The following SYNRG variants were observed in gnomAD, a reference collection of about 807,000 sequenced individuals.
SYNRG encodes AP1 gamma subunit binding protein 1.
Under a neutral mutation model 130.9 loss-of-function variants are expected in SYNRG, and 37 were observed. The ratio of observed to expected loss-of-function variants is 0.28; its 90% CI spans 0.22 to 0.37. The LOEUF (loss-of-function observed/expected upper bound fraction) is 0.37, where lower values mean the gene tolerates loss of function less well. Ranked by LOEUF, SYNRG falls within the 10% of genes least tolerant of loss-of-function variation. The pLI is 1.00. For missense variants in SYNRG, 1,338 were observed against 1,588.9 expected, an observed-to-expected ratio of 0.84 and a Z score of 2.68; for synonymous variants, 539 against 568.1, an observed-to-expected ratio of 0.95 and a Z score of 0.73.
chr17:37,594,421 C>A (rs1321422119), intron 3 of SYNRG, among the ~76,000 whole-genome samples: 1 of 145,930 alleles, frequency 6.9e-6, no homozygotes, highest in Non-Finnish European at 1.5e-5. Context: ...ACATTGTATT[C>A]TATGGTAGAT....
chr17:37,608,667 G>A (rs2064038275), intron 1 of SYNRG, among the ~76,000 whole-genome samples: 1 of 152,138 alleles, frequency 6.6e-6, no homozygotes, highest in South Asian at 2.1e-4. Flanking sequence ...TTAAAAAGAA[G>A]ACAGACAAGT....
At chr17:37,528,745 TA>T (rs2056262933) in intron 19 of SYNRG, among the ~76,000 whole-genome samples, 2 of 152,240 alleles carry the variant, frequency 1.3e-5, no homozygotes, top group Admixed American at 1.3e-4. Context: ...TCAGTTCTGC[TA>T]GAGTAAAGGC....
At chr17:37,568,962 C>G in intron 10 of SYNRG, 38 bp from the exon 11 acceptor site, 4 of 1,581,714 alleles carry the variant, frequency 2.5e-6, no homozygotes, top group Non-Finnish European at 2.6e-6. Context: ...ATAGCACTGA[C>G]TGACAAAATA....
intron 6 of SYNRG, among the ~76,000 whole-genome samples, chr17:37,579,949 G>A (rs376355539): frequency 1.4e-3 from 212 of 151,996 alleles, no homozygotes; most frequent in Middle Eastern, 6.8e-3. Flanking sequence ...CGAGCTCCTG[G>A]CCTTGACTGT....
Position 37,553,753 on chromosome 17 carries a change from G to C in SYNRG, c.1970C>G (p.Ala657Gly). The C allele has an allele frequency of 4.3e-6, 7 of 1,612,976 alleles. No homozygotes were observed. Among genetic ancestry groups the C allele is most frequent in the Non-Finnish European group, 5.1e-6 (6 of 1,179,772 alleles). ...ACTAGAAGTTTTTGTTGCTGCCAATGCTGTCATAGTAGCAGCAGAACCTGT... is the reference window on the plus strand; with the variant it reads ...ACTAGAAGTTTTTGTTGCTGCCAATCCTGTCATAGTAGCAGCAGAACCTGT... Reference protein sequence around the residue: ...QSTGSAATMTALAATKTSSLA... With the variant: ...QSTGSAATMTGLAATKTSSLA... Residue 657 changes from alanine (A) to glycine (G), a missense_variant, in exon 14 of 22, where the codon GCA becomes GGA. Ala to Gly is a moderately conservative substitution (Grantham distance 60, BLOSUM62 0). Transcript: ENST00000612223.
intron 8 of SYNRG, among the ~76,000 whole-genome samples, chr17:37,575,194 C>T (rs1436485398): frequency 6.6e-6 from 1 of 151,078 alleles, no homozygotes; most frequent in Non-Finnish European, 1.5e-5. Context: ...GGTTAGTGGG[C>T]ATAAAAATAT....
chr17:37,522,996 G>A (rs1250315979), intron 19 of SYNRG, among the ~76,000 whole-genome samples: 1 of 152,112 alleles, frequency 6.6e-6, no homozygotes, highest in Non-Finnish European at 1.5e-5. Context: ...TTTTAGCACT[G>A]AGGACATCCC....
At chr17:37,586,236 T>C (rs2061679948) in intron 4 of SYNRG, among the ~76,000 whole-genome samples, 183 bp downstream of exon 4, 1 of 152,170 alleles carries the variant, frequency 6.6e-6, no homozygotes, top group Admixed American at 6.5e-5. Context: ...TCAAGCAATC[T>C]GCCCACCCCA....
intron 11 of SYNRG, among the ~76,000 whole-genome samples, chr17:37,564,629 T>C (rs2059786304): frequency 6.6e-6 from 1 of 152,252 alleles, no homozygotes; most frequent in African/African-American, 2.4e-5. Context: ...TGCCCTTTCA[T>C]CTTCTCTAAC....
chr17:37,580,434 G>A (rs1568466369), intron 6 of SYNRG, among the ~76,000 whole-genome samples: 1 of 150,502 alleles, frequency 6.6e-6, no homozygotes, highest in Non-Finnish European at 1.5e-5. Context: ...CAAGTAGCTG[G>A]GACTACAGGT....
intron 19 of SYNRG, among the ~76,000 whole-genome samples, chr17:37,531,358 T>TG (rs1383819407): frequency 1.3e-5 from 2 of 152,086 alleles, no homozygotes; most frequent in African/African-American, 4.8e-5. Flanking sequence ...TTTGTGCAAG[T>TG]GAATGGAGGG....
intron 19 of SYNRG, among the ~76,000 whole-genome samples, chr17:37,527,613 A>G (rs893002468): frequency 4.6e-5 from 7 of 152,344 alleles, no homozygotes; most frequent in South Asian, 2.1e-4. Context: ...AAAATGATAC[A>G]AATAAAAAAA....
rs190516320 is a variant in SYNRG, at chr17:37,584,827, T to C, written c.478-68A>G. The C allele has an allele frequency of 1.1e-5, 13 of 1,178,918 alleles. No homozygotes were observed. In the East Asian group the frequency reaches 2.9e-4, roughly 26 times the overall value. The allele number at this position is 1,178,918 out of a possible 1,614,324, so 73.0% of individuals were successfully genotyped here. A position where few individuals can be genotyped will look rare whatever the true frequency, so the allele number is the denominator to read the frequency against. ...CACTGTATCCTAAACCCTCCCAAAT[T>C]AAGAAAAGCACAGATATTCATCTAT... On this transcript the variant is annotated intron_variant, in intron 5 of 21. Transcript: ENST00000612223.
intron 14 of SYNRG, among the ~76,000 whole-genome samples, chr17:37,551,614 C>A (rs755348221): frequency 2.6e-5 from 4 of 152,044 alleles, no homozygotes; most frequent in Non-Finnish European, 5.9e-5. Flanking sequence ...ATAAAGACAT[C>A]TACCTTGGCA....
chr17:37,553,600 G>T lies in SYNRG; in HGVS notation c.2123C>A (p.Pro708Gln). ...SNSSISSEQKPDDKYDALKEE... is the reference protein window; with the variant it reads ...SNSSISSEQKQDDKYDALKEE... ...TTTAAGGGCATCATATTTGTCATCC[G>T]GCTTTTGCTCAGATGAAATAGAGCT... The change falls in exon 14 of 22, where the codon CCG (proline) becomes CAG (glutamine). Residue 708 changes from proline (P) to glutamine (Q), a missense_variant. Transcript: ENST00000612223. The T allele has an allele frequency of 6.2e-7, 1 of 1,613,966 alleles. No homozygotes were observed. Among genetic ancestry groups the T allele is most frequent in the Admixed American group, 1.7e-5 (1 of 59,964 alleles).
At chr17:37,544,239 G>A (rs2058053019) in intron 14 of SYNRG, among the ~76,000 whole-genome samples, 1 of 151,620 alleles carries the variant, frequency 6.6e-6, no homozygotes, top group South Asian at 2.1e-4. Context: ...TAAAAATTCT[G>A]TGGTGCAATG....
intron 2 of SYNRG, among the ~76,000 whole-genome samples, chr17:37,599,070 C>A (rs2063032848): frequency 6.6e-6 from 1 of 152,246 alleles, no homozygotes; most frequent in Non-Finnish European, 1.5e-5. Context: ...CCACTGACCA[C>A]CTGCTACTGA....
At chr17:37,572,670 C>G (rs1358960914) in intron 8 of SYNRG, among the ~76,000 whole-genome samples, 1 of 152,170 alleles carries the variant, frequency 6.6e-6, no homozygotes, top group African/African-American at 2.4e-5. Flanking sequence ...ACCAACATCA[C>G]TCTTCTCCAG....
At chr17:37,529,368 A>G (rs952320092) in intron 19 of SYNRG, among the ~76,000 whole-genome samples, 1 of 152,172 alleles carries the variant, frequency 6.6e-6, no homozygotes, top group African/African-American at 2.4e-5. Flanking sequence ...ACCAGGGATT[A>G]TATCTGAGTA....
Sources: allele counts gnomAD v4.1 joint callset (sites outside exome capture counted in the v4.1 genomes callset), GRCh38; gene constraint gnomAD v4.1.1; transcripts MANE v1.5; gene names NCBI Gene and HGNC (gene_info 2026-07-23, HGNC 2026-07-21).